COL24A1: variants seen among roughly 807,000 people sequenced by gnomAD.
The protein encoded by COL24A1 is collagen type XXIV alpha 1 chain, also known as collagen alpha-1(XXIV) chain.
In COL24A1, 224 loss-of-function variants were observed where a neutral mutation model predicts 253.9. The observed-to-expected ratio is 0.88, with a 90% CI of 0.79 to 0.99. The LOEUF is 0.99. Ranked by LOEUF, COL24A1 falls within the 50% of genes least tolerant of loss-of-function variation. The pLI, the probability that COL24A1 is intolerant of heterozygous loss-of-function variation, is 0.00. For synonymous variants in COL24A1, 685 were observed against 673.7 expected (o/e 1.02, Z -0.26); for missense variants, 2,131 against 2,068.5 (o/e 1.03, Z -0.59).
intron 14 of COL24A1, among the ~76,000 whole-genome samples, 169 bp downstream of exon 14, chr1:86,031,709 A>T (rs1363338611): frequency 1.3e-5 from 2 of 151,578 alleles, no homozygotes; most frequent in African/African-American, 2.4e-5. Flanking sequence ...GACTTATACT[A>T]CTGGTCTAAT....
Position 86,156,697 on chromosome 1 carries a change from G to T in COL24A1, c.-301C>A, listed in dbSNP as rs376113283. On this transcript the variant is annotated 5_prime_UTR_variant, in exon 1 of 60. Transcript: ENST00000370571. The stretch of plus-strand genomic sequence containing the variant: ...CCTCACTGGGAGGCCTCGGGGCGCC[G>T]GCGGCAGCGGGAGCCGGGCTGCTAG... 8 of 268,750 alleles carry T rather than the reference G, an allele frequency of 3.0e-5. No individual in the cohort carries two copies. In the East Asian group the frequency reaches 3.7e-4, roughly 13 times the overall value. The allele number at this position is 268,750 out of a possible 1,614,324, so 16.6% of individuals were successfully genotyped here.
intron 11 of COL24A1, among the ~76,000 whole-genome samples, chr1:86,048,648 G>A (rs1485222541): frequency 6.6e-6 from 1 of 151,948 alleles, no homozygotes; most frequent in Non-Finnish European, 1.5e-5. Flanking sequence ...CCACCACCAG[G>A]CCCGGCTAAT....
rs1388368058 is a variant in COL24A1 at position 85,987,646 on chromosome 1, T to C, written c.2319A>G (p.Pro773=). 1.2e-6 allele frequency: 2 copies of C among 1,609,834 alleles called. No individual in the cohort carries two copies. The highest frequency in any genetic ancestry group is 1.7e-6 in the Non-Finnish European group (2 of 1,177,474). The change falls in exon 20 of 60, where the codon CCA becomes CCG. Residue 773 remains proline (P), a synonymous_variant. Transcript: ENST00000370571. ...PSGPPGPEGF[P]GDIGIPGQNG... ...TTTGTCCAGGAATCCCAATATCTCCTGGAAAACCCTAGGGAATATAAAAAT... is the reference window on the plus strand; with the variant it reads ...TTTGTCCAGGAATCCCAATATCTCCCGGAAAACCCTAGGGAATATAAAAAT...
At position 85,730,290 on chromosome 1, in the gene COL24A1, T is replaced by G; in HGVS notation, c.*256A>C. 3.5e-6 allele frequency: 1 copy of G among 284,724 alleles called. No individual in the cohort carries two copies. The highest frequency in any genetic ancestry group is 7.0e-5 in the South Asian group (1 of 14,240). The allele number at this position is 284,724 out of a possible 1,614,324, so 17.6% of individuals were successfully genotyped here. A position where few individuals can be genotyped will look rare whatever the true frequency, so the allele number is the denominator to read the frequency against. On this transcript the variant is annotated 3_prime_UTR_variant, in exon 60 of 60. Transcript: ENST00000370571. ...CCCTGAAGAATTCCATATTTATAAA[T>G]TTTTAGTTCTAGGGAATTCTCTAAG...
At position 85,805,689 on chromosome 1, in the gene COL24A1, T is replaced by C. The variant is rs141498868; in HGVS notation, c.3951+11099A>G. Among the ~76,000 whole-genome samples the C allele has an allele frequency of 9.2e-5, 14 of 152,308 alleles. No homozygotes were observed. The East Asian group carries it at 1.4e-3, about 15-fold the overall frequency. ...CCTCATGGGGTTGTAAGGATTAAAT[T>C]TGTTAATACATTAAAACACTTATGG... On this transcript the variant is annotated intron_variant, in intron 47 of 59. Transcript: ENST00000370571.
Position 85,849,339 on chromosome 1 carries a change from A to G in COL24A1, c.3354+14T>C, listed in dbSNP as rs1251672931. On this transcript the variant is annotated intron_variant, in intron 38 of 59. Coordinates refer to ENST00000370571, the MANE Select transcript of COL24A1 (RefSeq NM_152890.7). The stretch of plus-strand genomic sequence containing the variant: ...GAAGAAAGAAAACCTGCATAAGAAG[A>G]TGTAAAAAATTACCTTTTTTCCTGG... 1.9e-5 allele frequency: 31 copies of G among 1,609,674 alleles called. No homozygotes were observed. Among genetic ancestry groups the G allele is most frequent in the Non-Finnish European group, 2.3e-5 (27 of 1,176,500 alleles).
At chr1:85,858,723 C>T (rs984063856) in intron 37 of COL24A1, among the ~76,000 whole-genome samples, 1 of 150,758 alleles carries the variant, frequency 6.6e-6, no homozygotes, top group Admixed American at 6.6e-5. Flanking sequence ...TCCCTTCTTT[C>T]CTTCTTTCCC....
intron 43 of COL24A1, among the ~76,000 whole-genome samples, chr1:85,824,998 G>C (rs1674087171): frequency 6.6e-6 from 1 of 151,282 alleles, no homozygotes; most frequent in Non-Finnish European, 1.5e-5. Flanking sequence ...ATGTATACAT[G>C]TGCCATGCTG....
intron 20 of COL24A1, among the ~76,000 whole-genome samples, chr1:85,978,926 T>A (rs1174616536): frequency 1.3e-5 from 2 of 152,066 alleles, no homozygotes; most frequent in Non-Finnish European, 2.9e-5. Context: ...CCAAGATAGA[T>A]CACATGAGAG....
chr1:85,993,245 C>G (rs185148949), intron 19 of COL24A1, among the ~76,000 whole-genome samples: 3 of 152,056 alleles, frequency 2.0e-5, no homozygotes, highest in Non-Finnish European at 2.9e-5. Flanking sequence ...ACATTGAGCA[C>G]TTTAATAGTT....
intron 37 of COL24A1, among the ~76,000 whole-genome samples, chr1:85,860,239 A>G (rs1328865416): frequency 6.6e-6 from 1 of 152,196 alleles, no homozygotes; most frequent in Non-Finnish European, 1.5e-5. Context: ...TGCCCATTTA[A>G]TGTGTACAAT....
At chr1:86,108,400 C>T (rs781398312) in intron 5 of COL24A1, among the ~76,000 whole-genome samples, 1 of 151,800 alleles carries the variant, frequency 6.6e-6, no homozygotes, top group African/African-American at 2.4e-5. Context: ...TACTTTCCAC[C>T]ATCTCTAGCT....
At chr1:85,964,432 A>G (rs779979135) in intron 23 of COL24A1, among the ~76,000 whole-genome samples, 1 of 152,160 alleles carries the variant, frequency 6.6e-6, no homozygotes, top group African/African-American at 2.4e-5. Flanking sequence ...ATCCAGACTT[A>G]GTAATGTTAT....
At chr1:85,754,392 T>A (rs1570459156) in intron 55 of COL24A1, among the ~76,000 whole-genome samples, 10 of 68,970 alleles carry the variant, frequency 1.4e-4, no homozygotes, top group African/African-American at 2.3e-4. Flanking sequence ...TGTGGTGGGG[T>A]CGGGGGAGGG....
At chr1:85,799,950 T>C (rs2101770467) in intron 47 of COL24A1, among the ~76,000 whole-genome samples, 1 of 152,338 alleles carries the variant, frequency 6.6e-6, no homozygotes, top group Non-Finnish European at 1.5e-5. Context: ...CAACAGTATT[T>C]AACATTACTG....
At chr1:85,963,725 T>C (rs1691291711) in intron 23 of COL24A1, among the ~76,000 whole-genome samples, 1 of 152,158 alleles carries the variant, frequency 6.6e-6, no homozygotes, top group Non-Finnish European at 1.5e-5. Flanking sequence ...TTCCTGTGTT[T>C]ACTAGGTAAC....
At chr1:85,739,620 G>T (rs1480214268) in intron 57 of COL24A1, among the ~76,000 whole-genome samples, 1 of 151,814 alleles carries the variant, frequency 6.6e-6, no homozygotes, top group Admixed American at 6.6e-5. Flanking sequence ...AGTTCCTCCT[G>T]GTGTAATCAT....
chr1:85,880,054 A>G (rs184588326), intron 32 of COL24A1, among the ~76,000 whole-genome samples: 1 of 152,218 alleles, frequency 6.6e-6, no homozygotes, highest in Admixed American at 6.5e-5. Flanking sequence ...AATATCTACA[A>G]TGTAACTTGC....
At chr1:85,830,245 G>A (rs1420107495) in intron 43 of COL24A1, among the ~76,000 whole-genome samples, 2 of 151,116 alleles carry the variant, frequency 1.3e-5, no homozygotes, top group African/African-American at 4.9e-5. Context: ...GGGGGTCAGG[G>A]GTCAGGGACC....
Sources: gnomAD v4.1 joint callset for allele counts (sites outside exome capture counted in the v4.1 genomes callset) on GRCh38, gnomAD v4.1.1 for gene constraint, MANE v1.5 for transcripts, NCBI Gene and HGNC (gene_info 2026-07-23, HGNC 2026-07-21) for gene names.